The following PCDHGA3 variants were observed in gnomAD, a reference collection of about 807,000 sequenced individuals.
The protein encoded by PCDHGA3 is protocadherin gamma subfamily A, 3.
In PCDHGA3, 40 loss-of-function variants were observed where a neutral mutation model predicts 58.5. That is an observed-to-expected ratio of 0.68 (90% confidence interval 0.53 to 0.89). The LOEUF (loss-of-function observed/expected upper bound fraction) is 0.89, where lower values mean the gene tolerates loss of function less well. Ranked by LOEUF, PCDHGA3 falls within the 40% of genes least tolerant of loss-of-function variation. The pLI is 0.00. For missense variants in PCDHGA3, 1,223 were observed against 1,195.9 expected, an observed-to-expected ratio of 1.02 and a Z score of -0.33; for synonymous variants, 530 against 525.7, an observed-to-expected ratio of 1.01 and a Z score of -0.11.
chr5:141,463,615 A>G (rs1336539466), intron 1 of PCDHGA3, among the ~76,000 whole-genome samples: 1 of 151,408 alleles, frequency 6.6e-6, no homozygotes, highest in Admixed American at 6.6e-5. Context: ...TGCCCGGCTA[A>G]TTTTTTGTAT....
Position 141,414,286 on chromosome 5 carries a change from G to A in PCDHGA3, c.2424+67829G>A, listed in dbSNP as rs2095728607. ...AGATTCACCTCTGGGAACAGTCGTA[G>A]CCCTTTTAAATGTGCATGATTTAGA... On this transcript the variant is annotated intron_variant, in intron 1 of 3. Coordinates refer to ENST00000253812, the MANE Select transcript of PCDHGA3 (RefSeq NM_018916.4). 1.9e-6 allele frequency: 3 copies of A among 1,613,586 alleles called. No individual in the cohort carries two copies. The highest frequency in any genetic ancestry group is 2.5e-6 in the Non-Finnish European group (3 of 1,179,770).
In PCDHGA3 at chr5:141,366,458, G is replaced by A. The variant is rs555568322; in HGVS notation, c.2424+20001G>A. 4 of 1,614,092 alleles carry A rather than the reference G, an allele frequency of 2.5e-6. No homozygotes were observed. In the African/African-American group the frequency reaches 4.0e-5, roughly 16 times the overall value. On this transcript the variant is annotated intron_variant, in intron 1 of 3. Coordinates refer to ENST00000253812, the MANE Select transcript of PCDHGA3 (RefSeq NM_018916.4). Reference sequence around the variant, plus strand: ...CTGCGTCTTCCTGGCCTTCGTCATCGTGCTGCTGGTGCTCAGACTGAGGCG... The same window carrying A: ...CTGCGTCTTCCTGGCCTTCGTCATCATGCTGCTGGTGCTCAGACTGAGGCG...
chr5:141,505,053 T>C (rs904041070), intron 2 of PCDHGA3, among the ~76,000 whole-genome samples: 2 of 152,108 alleles, frequency 1.3e-5, no homozygotes, highest in African/African-American at 4.8e-5. Context: ...TCCCAGCTAC[T>C]TGGGAGACTG....
In PCDHGA3 at chr5:141,491,786, C is replaced by T; in HGVS notation, c.2425-3021C>T. The stretch of plus-strand genomic sequence containing the variant: ...CCTCATAAGGGATTGAACTTGCATC[C>T]ACTCCTCTCCGGCCGGCTTGGTCGC... On this transcript the variant is annotated intron_variant, in intron 1 of 3. Coordinates refer to ENST00000253812, the MANE Select transcript of PCDHGA3 (RefSeq NM_018916.4). This position sits in a 1 kb window ranked among gnomAD's most constrained non-coding sequence, Gnocchi z 6.9. The T allele has an allele frequency of 1.3e-6, 2 of 1,529,640 alleles. No individual in the cohort carries two copies. The highest frequency in any genetic ancestry group is 2.5e-5 in the South Asian group (2 of 80,832). The allele number at this position is 1,529,640 out of a possible 1,614,324, so 94.8% of individuals were successfully genotyped here.
In PCDHGA3 at chr5:141,418,596, T is replaced by C; in HGVS notation, c.2424+72139T>C. On this transcript the variant is annotated intron_variant, in intron 1 of 3. Coordinates refer to ENST00000253812, the MANE Select transcript of PCDHGA3 (RefSeq NM_018916.4). Reference sequence around the variant, plus strand: ...AACCCCCCAGTGTTCAGCCAGGACGTGTACAGGGTTAGCCTTCGGGAAGAC... The same window carrying C: ...AACCCCCCAGTGTTCAGCCAGGACGCGTACAGGGTTAGCCTTCGGGAAGAC... 8.7e-6 allele frequency: 14 copies of C among 1,614,046 alleles called. No individual in the cohort carries two copies. The highest frequency in any genetic ancestry group is 1.1e-5 in the Non-Finnish European group (13 of 1,179,906).
rs1288071067 is a variant in PCDHGA3 at position 141,404,171 on chromosome 5, GC to G, written c.2424+57717del. ...AGAAGATTATTACAGATTGTTGACG[GC>G]CCAAATTCTTGACCGAGAAAAAGCC... On this transcript the variant is annotated intron_variant, in intron 1 of 3. Coordinates refer to ENST00000253812, the MANE Select transcript of PCDHGA3 (RefSeq NM_018916.4). 5.6e-6 allele frequency: 9 copies of G among 1,612,616 alleles called. No homozygotes were observed. The African/African-American group carries it at 9.4e-5, about 17-fold the overall frequency.
intron 1 of PCDHGA3, chr5:141,373,786 G>A: frequency 3.4e-6 from 1 of 289,890 alleles, no homozygotes; most frequent in Non-Finnish European, 6.3e-6. Flanking sequence ...AGATTTAGCA[G>A]AAATAAAATC....
At chr5:141,441,073 G>A (rs1591647632) in intron 1 of PCDHGA3, 1 of 152,152 alleles carries the variant, frequency 6.6e-6, no homozygotes, top group Non-Finnish European at 1.5e-5. Flanking sequence ...AATTTCCATG[G>A]TTTTGGTAGC....
At position 141,476,321 on chromosome 5, in the gene PCDHGA3, G is replaced by A; in HGVS notation, c.2425-18486G>A. 1 of 1,614,196 alleles carries A rather than the reference G, an allele frequency of 6.2e-7. No homozygotes were observed. The highest frequency in any genetic ancestry group is 1.3e-5 in the African/African-American group (1 of 75,054). ...CCTCTCAGCCCGCAGGTTCCGGGTG[G>A]TGTCTGGAGCTAGCCGAAGATTCTT... On this transcript the variant is annotated intron_variant, in intron 1 of 3. Coordinates refer to ENST00000253812, the MANE Select transcript of PCDHGA3 (RefSeq NM_018916.4). The surrounding 1 kb of genome is among the most constrained non-coding windows in gnomAD (Gnocchi z 7.6).
At chr5:141,414,870 G>T in intron 1 of PCDHGA3, 1 of 1,614,224 alleles carries the variant, frequency 6.2e-7, no homozygotes, top group Non-Finnish European at 8.5e-7. Flanking sequence ...ATGCGCCCGA[G>T]ATCCTGTACC....
At position 141,486,709 on chromosome 5, in the gene PCDHGA3, C is replaced by T; in HGVS notation, c.2425-8098C>T. 6.2e-7 allele frequency: 1 copy of T among 1,614,182 alleles called. No individual in the cohort carries two copies. ...CTTCCTCTTTCATCTCTCTGAACCC[C>T]CAGACAGGAGCTGTTCATGCTACTC... On this transcript the variant is annotated intron_variant, in intron 1 of 3. Coordinates refer to ENST00000253812, the MANE Select transcript of PCDHGA3 (RefSeq NM_018916.4). This position sits in a 1 kb window ranked among gnomAD's most constrained non-coding sequence, Gnocchi z 5.0.
intron 1 of PCDHGA3, chr5:141,356,200 C>T (rs770189453): frequency 6.2e-7 from 1 of 1,608,202 alleles, no homozygotes; most frequent in African/African-American, 1.3e-5. Flanking sequence ...AAGCAAGGTA[C>T]TGGTGACAGT....
chr5:141,416,011 GGTAA>G (rs1031382322), intron 1 of PCDHGA3: 25 of 239,912 alleles, frequency 1.0e-4, no homozygotes, highest in Non-Finnish European at 3.9e-5. Flanking sequence ...GGTAAGAATA[GGTAA>G]GTATCAGAAA....
chr5:141,486,322 A>G lies in PCDHGA3; in HGVS notation c.2425-8485A>G. The G allele has an allele frequency of 1.9e-6, 3 of 1,613,926 alleles. No homozygotes were observed. The highest frequency in any genetic ancestry group is 2.5e-6 in the Non-Finnish European group (3 of 1,179,962). On this transcript the variant is annotated intron_variant, in intron 1 of 3. Coordinates refer to ENST00000253812, the MANE Select transcript of PCDHGA3 (RefSeq NM_018916.4). This position sits in a 1 kb window ranked among gnomAD's most constrained non-coding sequence, Gnocchi z 5.0. ...AGGATCCAGACTCAGGGTCAAACGG[A>G]GATGTGAGCCTCCGCATTCCTGACC...
intron 1 of PCDHGA3, chr5:141,357,859 C>G: frequency 1.7e-6 from 1 of 591,080 alleles, no homozygotes; most frequent in South Asian, 2.2e-5. Context: ...CCAGAATTTT[C>G]TAATTTTACA....
At chr5:141,466,510 AT>A (rs1222513096) in intron 1 of PCDHGA3, among the ~76,000 whole-genome samples, 1 of 151,938 alleles carries the variant, frequency 6.6e-6, no homozygotes, top group Non-Finnish European at 1.5e-5. Context: ...AGACAAGATC[AT>A]TTTTTTTCCT....
rs374663576 is a variant in PCDHGA3 at position 141,489,905 on chromosome 5, G to A, written c.2425-4902G>A. The A allele has an allele frequency of 2.8e-4, 459 of 1,614,108 alleles. No homozygotes were observed. Among genetic ancestry groups the A allele is most frequent in the Non-Finnish European group, 3.4e-4 (405 of 1,180,054 alleles). On this transcript the variant is annotated intron_variant, in intron 1 of 3. Coordinates refer to ENST00000253812, the MANE Select transcript of PCDHGA3 (RefSeq NM_018916.4). The surrounding 1 kb of genome is among the most constrained non-coding windows in gnomAD (Gnocchi z 4.5). ...GCTGTGGATGGGGGGACCCCAGCCC[G>A]CTCAGGGACCACCCTTATCTCTGTC...
At position 141,415,171 on chromosome 5, in the gene PCDHGA3, G is replaced by A. The variant is rs748508713; in HGVS notation, c.2424+68714G>A. ...TCTCTCCGCCACTGTCACGCTCACC[G>A]TGGCCGTGGCCGACAGCATCCCCCA... On this transcript the variant is annotated intron_variant, in intron 1 of 3. Coordinates refer to ENST00000253812, the MANE Select transcript of PCDHGA3 (RefSeq NM_018916.4). 8 of 1,613,876 alleles carry A rather than the reference G, an allele frequency of 5.0e-6. No homozygotes were observed. In the South Asian group the frequency reaches 6.6e-5, roughly 13 times the overall value.
At chr5:141,462,314 A>C (rs1283684392) in intron 1 of PCDHGA3, among the ~76,000 whole-genome samples, 1 of 152,186 alleles carries the variant, frequency 6.6e-6, no homozygotes, top group Non-Finnish European at 1.5e-5. Flanking sequence ...TATATTTGTC[A>C]CTGATTTCTA....
Sources: gnomAD v4.1 joint callset for allele counts (sites outside exome capture counted in the v4.1 genomes callset) on GRCh38, gnomAD v4.1.1 for gene constraint, Gnocchi (gnomAD v3.1) non-coding constraint, MANE v1.5 for transcripts, NCBI Gene and HGNC (gene_info 2026-07-23, HGNC 2026-07-21) for gene names.